The following NDFIP2 variants were observed in gnomAD, a reference collection of about 807,000 sequenced individuals.
The protein encoded by NDFIP2 is NEDD4 family-interacting protein 2.
In NDFIP2, 19 loss-of-function variants were observed where a neutral mutation model predicts 36.0. That is an observed-to-expected ratio of 0.53 (90% CI 0.37 to 0.77). The LOEUF (loss-of-function observed/expected upper bound fraction) is 0.77. Ranked by LOEUF, NDFIP2 falls within the 30% of genes least tolerant of loss-of-function variation. NDFIP2 has a pLI of 0.00. For missense variants in NDFIP2, 446 were observed against 435.8 expected, an observed-to-expected ratio of 1.02 and a Z score of -0.21; for synonymous variants, 181 against 167.7, an observed-to-expected ratio of 1.08 and a Z score of -0.61.
At position 79,509,223 on chromosome 13, in the gene NDFIP2, A is replaced by G. The variant is rs117966379; in HGVS notation, c.322-11587A>G. The stretch of plus-strand genomic sequence containing the variant: ...TGTATACATTTTAGAGAGACATAAG[A>G]TATCAATCAGTATGTGTAAGATGTA... On this transcript the variant is annotated intron_variant, in intron 1 of 7. Transcript: ENST00000218652. Among the ~76,000 whole-genome samples the G allele has an allele frequency of 5.3e-5, 8 of 152,310 alleles. No homozygotes were observed. The East Asian group carries it at 1.5e-3, about 29-fold the overall frequency.
intron 6 of NDFIP2, among the ~76,000 whole-genome samples, chr13:79,550,302 GGTT>G (rs1875854435): frequency 1.3e-5 from 2 of 151,688 alleles, no homozygotes; most frequent in Admixed American, 6.6e-5. Context: ...ATATATTTGT[GGTT>G]GTTATTTTAA....
At chr13:79,511,086 T>G (rs972211596) in intron 1 of NDFIP2, among the ~76,000 whole-genome samples, 1 of 152,088 alleles carries the variant, frequency 6.6e-6, no homozygotes, top group Non-Finnish European at 1.5e-5. Flanking sequence ...AATGTTTGTT[T>G]TAGACTTTAA....
rs2079810383 is a variant in NDFIP2, at chr13:79,481,314, G to C, written c.111G>C (p.Ser37=). Residue 37 remains serine, a synonymous_variant, in exon 1 of 8, where the codon TCG becomes TCC. Transcript: ENST00000218652. ...GAACCGCGACCAACGCGGAGGTCTC[G>C]GCGGCCGCTGCGGGAGCCACAGGAA... is the stretch of plus-strand genomic sequence containing the variant. The part of the protein sequence containing the change: ...LRGTATNAEV[S]AAAAGATGSE... The C allele has an allele frequency of 2.6e-6, 4 of 1,542,686 alleles. No individual in the cohort carries two copies. Among genetic ancestry groups the C allele is most frequent in the East Asian group, 2.4e-5 (1 of 40,976 alleles).
At chr13:79,514,908 A>G (rs545895715) in intron 1 of NDFIP2, among the ~76,000 whole-genome samples, 4 of 152,308 alleles carry the variant, frequency 2.6e-5, no homozygotes, top group African/African-American at 9.6e-5. Context: ...ATCATTTTCA[A>G]TAGCAGTTGA....
chr13:79,520,638 T>C (rs1874533349), intron 1 of NDFIP2, among the ~76,000 whole-genome samples, 172 bp from the exon 2 acceptor site: 1 of 152,246 alleles, frequency 6.6e-6, no homozygotes, highest in Non-Finnish European at 1.5e-5. Flanking sequence ...TCTTTACAAA[T>C]TGTTTTTTAA....
chr13:79,499,677 C>A (rs1873580493), intron 1 of NDFIP2, among the ~76,000 whole-genome samples: 1 of 151,706 alleles, frequency 6.6e-6, no homozygotes, highest in Non-Finnish European at 1.5e-5. Flanking sequence ...AAACTGTGGA[C>A]AAGATCTATA....
intron 4 of NDFIP2, among the ~76,000 whole-genome samples, chr13:79,540,135 G>A (rs1204544109): frequency 6.6e-6 from 1 of 152,274 alleles, no homozygotes; most frequent in East Asian, 1.9e-4. Flanking sequence ...CACTATTGGG[G>A]CAGAGGATTT....
intron 1 of NDFIP2, among the ~76,000 whole-genome samples, chr13:79,516,637 A>T (rs952915143): frequency 1.3e-5 from 2 of 152,190 alleles, no homozygotes; most frequent in African/African-American, 4.8e-5. Context: ...TTTTTAGATC[A>T]CTTTTTTTTA....
chr13:79,485,674 G>A (rs996841344), intron 1 of NDFIP2, among the ~76,000 whole-genome samples: 5 of 152,120 alleles, frequency 3.3e-5, no homozygotes, highest in Admixed American at 3.3e-4. Flanking sequence ...TAGTCTGATA[G>A]CTACTTTTCA....
chr13:79,485,634 C>G (rs1461921675), intron 1 of NDFIP2, among the ~76,000 whole-genome samples: 3 of 152,294 alleles, frequency 2.0e-5, no homozygotes, highest in Admixed American at 2.0e-4. Flanking sequence ...TACCACACCT[C>G]TTTTACATAA....
chr13:79,553,851 A>C lies in NDFIP2; in HGVS notation c.*1338A>C, dbSNP rs950583886. ...GGTTATATCTTTGGTTTTGAATACC[A>C]ACATTTAAAATGATGGTATTTTATC... On this transcript the variant is annotated 3_prime_UTR_variant, in exon 8 of 8. Coordinates refer to ENST00000218652, the MANE Select transcript of NDFIP2 (RefSeq NM_019080.3). 3 of 151,990 alleles carry C rather than the reference A, an allele frequency of 2.0e-5. No homozygotes were observed. Among genetic ancestry groups the C allele is most frequent in the Non-Finnish European group, 4.4e-5 (3 of 67,558 alleles). 9.4% of individuals were successfully genotyped at this position (151,990 alleles called of 1,614,324 possible).
rs78974612 is a variant in NDFIP2, at chr13:79,516,983, G to T, written c.322-3827G>T. On this transcript the variant is annotated intron_variant, in intron 1 of 7. Transcript: ENST00000218652. ...AGAAACAATCTTTATGCACTGGAAG[G>T]CTGTACTTCCAGCTAGAGTTAATCA... Among the ~76,000 whole-genome samples the T allele has an allele frequency of 3.0e-4, 45 of 152,250 alleles. No homozygotes were observed. The East Asian group carries it at 8.3e-3, about 28-fold the overall frequency.
chr13:79,484,077 G>A (rs533512657), intron 1 of NDFIP2, among the ~76,000 whole-genome samples: 2 of 151,960 alleles, frequency 1.3e-5, no homozygotes, highest in Admixed American at 6.6e-5. Flanking sequence ...GTGCAGTGGC[G>A]TGATCTCGGC....
chr13:79,515,608 G>C (rs1874276512), intron 1 of NDFIP2, among the ~76,000 whole-genome samples: 1 of 152,202 alleles, frequency 6.6e-6, no homozygotes. Flanking sequence ...GCCAAATTGA[G>C]TGTTTATATG....
At chr13:79,516,603 A>G (rs1325612961) in intron 1 of NDFIP2, among the ~76,000 whole-genome samples, 1 of 152,232 alleles carries the variant, frequency 6.6e-6, no homozygotes, top group Non-Finnish European at 1.5e-5. Context: ...TAGTAATAAT[A>G]TGATAGTATA....
At chr13:79,548,417 T>G (rs1875771354) in intron 6 of NDFIP2, 23 bp downstream of exon 6, 2 of 1,507,254 alleles carry the variant, frequency 1.3e-6, no homozygotes, top group African/African-American at 1.4e-5. Context: ...TTAATGCATT[T>G]AGTTTAACTT....
At position 79,553,314 on chromosome 13, in the gene NDFIP2, A is replaced by G. The variant is rs779000411; in HGVS notation, c.*801A>G. 6.6e-6 allele frequency: 1 copy of G among 151,320 alleles called. No individual in the cohort carries two copies. The allele number at this position is 151,320 out of a possible 1,614,324, so 9.4% of individuals were successfully genotyped here. A position where few individuals can be genotyped will look rare whatever the true frequency, so the allele number is the denominator to read the frequency against. On this transcript the variant is annotated 3_prime_UTR_variant, in exon 8 of 8. Transcript: ENST00000218652. ...ATACCAAATGTCCTTTATAAGAAAA[A>G]TAAATTTTATTTTAAGGGACATACT... is the stretch of plus-strand genomic sequence containing the variant.
At chr13:79,538,647 A>C (rs1875339299) in intron 3 of NDFIP2, among the ~76,000 whole-genome samples, 1 of 151,794 alleles carries the variant, frequency 6.6e-6, no homozygotes, top group African/African-American at 2.4e-5. Flanking sequence ...CAGCGGTGTG[A>C]TCTCGGCTCA....
At position 79,523,379 on chromosome 13, in the gene NDFIP2, C is replaced by T. The variant is rs541865946; in HGVS notation, c.487+2404C>T. On this transcript the variant is annotated intron_variant, in intron 2 of 7. Transcript: ENST00000218652. Reference sequence around the variant, plus strand: ...GGGATTACAGGCATGTGCCACCACACCTGGCGAATTTTGTATTTTTAGTAG... The same window carrying T: ...GGGATTACAGGCATGTGCCACCACATCTGGCGAATTTTGTATTTTTAGTAG... Among the ~76,000 whole-genome samples, 10 of 152,246 alleles carry T rather than the reference C, an allele frequency of 6.6e-5. No individual in the cohort carries two copies. In the South Asian group the frequency reaches 2.1e-3, roughly 32 times the overall value.
Sources: allele counts gnomAD v4.1 joint callset (sites outside exome capture counted in the v4.1 genomes callset), GRCh38; gene constraint gnomAD v4.1.1; transcripts MANE v1.5; gene names NCBI Gene and HGNC (gene_info 2026-07-23, HGNC 2026-07-21).